The following PRKG1 variants were observed in gnomAD, a reference collection of about 807,000 sequenced individuals.
The protein encoded by PRKG1 is protein kinase cGMP-dependent 1.
In PRKG1, 35 loss-of-function variants were observed where a neutral mutation model predicts 88.1. The ratio of observed to expected loss-of-function variants is 0.40; its 90% CI spans 0.30 to 0.53. The LOEUF is 0.53. PRKG1 is among the 20% of genes least tolerant of loss of function. The pLI, the probability that PRKG1 is intolerant of heterozygous loss-of-function variation, is 0.59. For synonymous variants in PRKG1, 303 were observed against 292.5 expected (o/e 1.04, Z -0.37); for missense variants, 540 against 839.8 (o/e 0.64, Z 4.41).
chr10:51,472,735 A>G (rs539270908), intron 3 of PRKG1, among the ~76,000 whole-genome samples: 2 of 152,108 alleles, frequency 1.3e-5, no homozygotes, highest in South Asian at 2.1e-4. Flanking sequence ...CAATTGCTAG[A>G]ATACCATTAT....
intron 16 of PRKG1, 69 bp downstream of exon 16, chr10:52,289,062 T>C: frequency 2.1e-6 from 3 of 1,454,648 alleles, no homozygotes; most frequent in African/African-American, 1.4e-5. Flanking sequence ...TTTTAAGTTA[T>C]TGGTGTAAAA....
chr10:51,709,440 A>C lies in PRKG1; in HGVS notation c.593-95145A>C, dbSNP rs28603092. Among the ~76,000 whole-genome samples the C allele has an allele frequency of 4.9e-3, 743 of 152,362 alleles. 8 individuals are homozygous for C. Among genetic ancestry groups the C allele is most frequent in the African/African-American group, 0.017 (696 of 41,586 alleles). On this transcript the variant is annotated intron_variant, in intron 3 of 17. Transcript: ENST00000373980. ...AGCTGTGTATACGTTCTTGCAGAGC[A>C]GTACAATGAGAAACTTTTCTCTCTG...
At position 51,331,921 on chromosome 10, in the gene PRKG1, A is replaced by G. The variant is rs74131606; in HGVS notation, c.479-135802A>G. On this transcript the variant is annotated intron_variant, in intron 2 of 17. Coordinates refer to ENST00000373980, the MANE Select transcript of PRKG1 (RefSeq NM_006258.4). The stretch of plus-strand genomic sequence containing the variant: ...CCTGAAGGGGAGCAACAAAAAGGTC[A>G]TGGTTATCATTAATTGTGATTATAA... Among the ~76,000 whole-genome samples the G allele has an allele frequency of 6.1e-3, 936 of 152,336 alleles. 9 individuals carry two copies. The highest frequency in any genetic ancestry group is 0.022 in the African/African-American group (894 of 41,572).
chr10:52,157,060 A>C (rs1219779071), intron 8 of PRKG1, among the ~76,000 whole-genome samples: 1 of 151,372 alleles, frequency 6.6e-6, no homozygotes, highest in African/African-American at 2.4e-5. Context: ...AAAAAAGAAA[A>C]AATCTGTTTT....
intron 5 of PRKG1, among the ~76,000 whole-genome samples, chr10:52,021,053 CT>C (rs763785874): frequency 8.5e-5 from 13 of 152,134 alleles, no homozygotes; most frequent in Non-Finnish European, 1.8e-4. Flanking sequence ...CCACTCATGC[CT>C]GTCTAACTAC....
intron 3 of PRKG1, among the ~76,000 whole-genome samples, chr10:51,778,937 T>C (rs1301282231): frequency 6.6e-6 from 1 of 152,180 alleles, no homozygotes; most frequent in Non-Finnish European, 1.5e-5. Context: ...ATAGTTTTTG[T>C]GTTTTTTGAA....
chr10:51,387,238 G>C (rs537347413), intron 2 of PRKG1, among the ~76,000 whole-genome samples: 2 of 151,676 alleles, frequency 1.3e-5, no homozygotes, highest in African/African-American at 4.8e-5. Context: ...CACAGGGCCC[G>C]TGGTCAAGGG....
chr10:51,615,698 C>G (rs1839033682), intron 3 of PRKG1, among the ~76,000 whole-genome samples: 1 of 149,142 alleles, frequency 6.7e-6, no homozygotes, highest in Admixed American at 6.7e-5. Flanking sequence ...TGACAAAGTT[C>G]TTATTCATAT....
intron 2 of PRKG1, among the ~76,000 whole-genome samples, chr10:51,295,517 AT>A (rs34763467): frequency 7.4e-4 from 113 of 151,754 alleles, no homozygotes; most frequent in African/African-American, 2.6e-3. Flanking sequence ...TAGTTCTAAC[AT>A]TTTTTTTCTT....
chr10:51,395,507 A>G (rs1418364051), intron 2 of PRKG1, among the ~76,000 whole-genome samples: 1 of 99,986 alleles, frequency 1.0e-5, no homozygotes, highest in East Asian at 2.1e-4. Context: ...TCCTTATGCA[A>G]AGAGAGCTGT....
intron 9 of PRKG1, among the ~76,000 whole-genome samples, chr10:52,247,034 T>C (rs1387470143): frequency 6.6e-6 from 1 of 152,100 alleles, no homozygotes; most frequent in African/African-American, 2.4e-5. Flanking sequence ...ACTTATCTTG[T>C]TGTATATTTG....
intron 5 of PRKG1, among the ~76,000 whole-genome samples, chr10:51,946,365 A>G (rs1489875265): frequency 1.3e-5 from 2 of 151,912 alleles, no homozygotes; most frequent in African/African-American, 4.8e-5. Flanking sequence ...ATTCGTCTAA[A>G]TTTTTTCCAA....
At chr10:51,737,783 G>A (rs1368141944) in intron 3 of PRKG1, among the ~76,000 whole-genome samples, 1 of 136,844 alleles carries the variant, frequency 7.3e-6, no homozygotes, top group African/African-American at 2.6e-5. Flanking sequence ...TATTTTCTGA[G>A]ATGGAGTTTC....
At chr10:51,661,503 G>C (rs1840298963) in intron 3 of PRKG1, among the ~76,000 whole-genome samples, 1 of 152,166 alleles carries the variant, frequency 6.6e-6, no homozygotes, top group Non-Finnish European at 1.5e-5. Flanking sequence ...GGTCATCAGA[G>C]AGATGCAAAT....
At chr10:51,149,596 T>C (rs980778156) in intron 1 of PRKG1, among the ~76,000 whole-genome samples, 13 of 152,198 alleles carry the variant, frequency 8.5e-5, no homozygotes, top group African/African-American at 3.1e-4. Context: ...GGGGATATTA[T>C]ACCACCTCAT....
intron 5 of PRKG1, among the ~76,000 whole-genome samples, chr10:51,980,615 A>G (rs1163338768): frequency 6.6e-6 from 1 of 152,150 alleles, no homozygotes; most frequent in Non-Finnish European, 1.5e-5. Flanking sequence ...GTTGGAGTCT[A>G]AGTCTCTTTG....
intron 3 of PRKG1, among the ~76,000 whole-genome samples, chr10:51,525,566 C>T (rs570596710): frequency 3.9e-5 from 6 of 152,030 alleles, no homozygotes; most frequent in South Asian, 4.2e-4. Flanking sequence ...GGTGTGGTGG[C>T]GGGGGCCTGT....
intron 7 of PRKG1, among the ~76,000 whole-genome samples, chr10:52,132,326 A>G (rs907031775): frequency 4.1e-5 from 6 of 146,760 alleles, no homozygotes; most frequent in African/African-American, 1.5e-4. Context: ...ATGCTTAAGA[A>G]TATCATCAAG....
In PRKG1 at chr10:51,153,247, A is replaced by T; in HGVS notation, c.395A>T (p.Asp132Val). 6.2e-7 allele frequency: 1 copy of T among 1,612,584 alleles called. No homozygotes were observed. The highest frequency in any genetic ancestry group is 8.5e-7 in the Non-Finnish European group (1 of 1,179,016). ...LELSQIQEIV[D>V]CMYPVEYGKD... ...CTGTCGCAGATCCAGGAGATTGTGGATTGTATGTACCCGGTGGAGTATGGC... is the reference window on the plus strand; with the variant it reads ...CTGTCGCAGATCCAGGAGATTGTGGTTTGTATGTACCCGGTGGAGTATGGC... Residue 132 changes from aspartate to valine, a missense_variant, in exon 2 of 18, where the codon GAT (aspartate) becomes GTT (valine). Asp to Val is a radical substitution (Grantham distance 152, BLOSUM62 -3). Coordinates refer to ENST00000373980, the MANE Select transcript of PRKG1 (RefSeq NM_006258.4).
Sources: gnomAD v4.1 joint callset for allele counts (sites outside exome capture counted in the v4.1 genomes callset) on GRCh38, gnomAD v4.1.1 for gene constraint, MANE v1.5 for transcripts, NCBI Gene and HGNC (gene_info 2026-07-23, HGNC 2026-07-21) for gene names.